Variants in OR2L8 observed in about 807,000 individuals in gnomAD.
OR2L8 encodes the protein olfactory receptor 2L8.
For synonymous variants in OR2L8, 123 were observed against 138.6 expected (o/e 0.89, Z 0.79); for missense variants, 324 against 376.0 (o/e 0.86, Z 1.14).
Position 247,949,537 on chromosome 1 carries a change from T to A in OR2L8, c.680T>A (p.Met227Lys). 1 of 1,614,062 alleles carries A rather than the reference T, an allele frequency of 6.2e-7. No individual in the cohort carries two copies. Among genetic ancestry groups the A allele is most frequent in the Non-Finnish European group, 8.5e-7 (1 of 1,179,950 alleles). The change falls in exon 1 of 1, where the codon ATG (methionine) becomes AAG (lysine). Residue 227 changes from methionine (M) to lysine (K), a missense_variant. Met to Lys is a moderately conservative substitution (Grantham distance 95, BLOSUM62 -1). Coordinates refer to ENST00000623922, the MANE Select transcript of OR2L8 (RefSeq NM_001001963.1). ...CAGGTTCTCTTTGCTGTCTACCACA[T>A]GAAATCTGCAGAAGGGAGGAAGAAA... The part of the protein sequence containing the change: ...YGQVLFAVYH[M>K]KSAEGRKKAY...
chr1:247,949,012 C>T lies in OR2L8; in HGVS notation c.155C>T (p.Thr52Ile), dbSNP rs1660536809. Residue 52 changes from threonine to isoleucine, a missense_variant, in exon 1 of 1, where the codon ACC (threonine) becomes ATC (isoleucine). Transcript: ENST00000623922. ...LSMILLIFLD[T>I]HLHTPMYFLL... The stretch of plus-strand genomic sequence containing the variant: ...ATGATTCTTCTCATCTTCTTGGACA[C>T]CCATCTCCACACACCCATGTATTTC... 3.7e-6 allele frequency: 6 copies of T among 1,613,868 alleles called. No individual in the cohort carries two copies. In the East Asian group the frequency reaches 1.3e-4, roughly 36 times the overall value.
In OR2L8 at chr1:247,949,397, C is replaced by T; in HGVS notation, c.540C>T (p.Val180=). ...CCATCAATCATTTCTTCTGTGATGTCCCAGCAATGGTGACTCTGGCCTGCA... is the reference window on the plus strand; with the variant it reads ...CCATCAATCATTTCTTCTGTGATGTTCCAGCAATGGTGACTCTGGCCTGCA... ...SRAINHFFCD[V]PAMVTLACMD... Residue 180 remains valine (V), a synonymous_variant, in exon 1 of 1, where the codon GTC becomes GTT. Coordinates refer to ENST00000623922, the MANE Select transcript of OR2L8 (RefSeq NM_001001963.1). The T allele has an allele frequency of 2.5e-6, 4 of 1,614,112 alleles. No homozygotes were observed. The Middle Eastern group carries it at 6.6e-4, about 266-fold the overall frequency.
At position 247,949,219 on chromosome 1, in the gene OR2L8, G is replaced by A. The variant is rs148005952; in HGVS notation, c.362G>A (p.Arg121His). Residue 121 changes from arginine to histidine, a missense_variant, in exon 1 of 1, where the codon CGT (arginine) becomes CAT (histidine). Transcript: ENST00000623922. ...ALLLASMAYD[R>H]YIAICFPLHY... ...CTTTTGGCATCTATGGCCTATGATC[G>A]TTACATTGCTATTTGCTTTCCTCTC... is the stretch of plus-strand genomic sequence containing the variant. 9.2e-4 allele frequency: 1,485 copies of A among 1,614,190 alleles called. 1 individual carries two copies. The highest frequency in any genetic ancestry group is 1.1e-3 in the Non-Finnish European group (1,306 of 1,180,036).
Position 247,948,944 on chromosome 1 carries a change from CATT to C in OR2L8, c.88_90del (p.Ile30del). ...GAATTGACCTTTTCTTCTTCATTCT[CATT>C]GTTTTCATTTTCCTGATGGCTCTAA... On this transcript the variant is annotated inframe_deletion, in exon 1 of 1. Transcript: ENST00000623922. The C allele has an allele frequency of 6.2e-7, 1 of 1,613,778 alleles. No individual in the cohort carries two copies. Among genetic ancestry groups the C allele is most frequent in the South Asian group, 1.1e-5 (1 of 91,062 alleles).
rs749940450 is a variant in OR2L8 at position 247,949,679 on chromosome 1, T to G, written c.822T>G (p.Ala274=). ...CTCCAACAGAGGACAAGGTTCTGGC[T>G]GTCTTCTACACCATCCTCACCCCAA... The part of the protein sequence containing the change: ...LRSPTEDKVL[A]VFYTILTPML... Residue 274 remains alanine, a synonymous_variant, in exon 1 of 1, where the codon GCT becomes GCG. Coordinates refer to ENST00000623922, the MANE Select transcript of OR2L8 (RefSeq NM_001001963.1). The G allele has an allele frequency of 5.0e-6, 8 of 1,613,840 alleles. No homozygotes were observed. The highest frequency in any genetic ancestry group is 1.7e-5 in the Admixed American group (1 of 59,992).
Position 247,949,493 on chromosome 1 carries a change from T to C in OR2L8, c.636T>C (p.Gly212=), listed in dbSNP as rs770497170. ...ATIFLVFPFI[G]ISCSYGQVLF... ...TCTTTCTCGTGTTTCCCTTCATTGG[T>C]ATTTCATGTTCCTATGGCCAGGTTC... Residue 212 remains glycine (G), a synonymous_variant, in exon 1 of 1, where the codon GGT becomes GGC. Coordinates refer to ENST00000623922, the MANE Select transcript of OR2L8 (RefSeq NM_001001963.1). The C allele has an allele frequency of 8.7e-6, 14 of 1,613,030 alleles. No homozygotes were observed. In the African/African-American group the frequency reaches 1.2e-4, roughly 14 times the overall value.
rs1433797964 is a variant in OR2L8 at position 247,948,917 on chromosome 1, A to G, written c.60A>G (p.Ser20=). The change falls in exon 1 of 1, where the codon TCA becomes TCG. Residue 20 remains serine (S), a synonymous_variant. Transcript: ENST00000623922. ...TCTTATTGGGGCTGTTTCCACCATC[A>G]AGAATTGACCTTTTCTTCTTCATTC... The part of the protein sequence containing the change: ...DFILLGLFPP[S]RIDLFFFILI... The G allele has an allele frequency of 3.1e-6, 5 of 1,613,634 alleles. No individual in the cohort carries two copies. Among genetic ancestry groups the G allele is most frequent in the East Asian group, 2.2e-5 (1 of 44,890 alleles).
chr1:247,949,074 A>G lies in OR2L8; in HGVS notation c.217A>G (p.Ile73Val), dbSNP rs374330494. 6.8e-6 allele frequency: 11 copies of G among 1,613,772 alleles called. No homozygotes were observed. The highest frequency in any genetic ancestry group is 6.8e-6 in the Non-Finnish European group (8 of 1,179,854). ...SQLSLIDLNY[I>V]STIVPKMASD... The stretch of plus-strand genomic sequence containing the variant: ...GCTCTCCCTCATTGACCTAAATTAC[A>G]TCTCCACCATTGTTCCTAAGATGGC... The change falls in exon 1 of 1, where the codon ATC (isoleucine) becomes GTC (valine). Residue 73 changes from isoleucine to valine, a missense_variant. Physicochemically the swap from Ile to Val is conservative, Grantham distance 29. Coordinates refer to ENST00000623922, the MANE Select transcript of OR2L8 (RefSeq NM_001001963.1).
rs1558377855 is a variant in OR2L8 at position 247,949,393 on chromosome 1, A to G, written c.536A>G (p.Asp179Gly). The change falls in exon 1 of 1, where the codon GAT (aspartate) becomes GGT (glycine). Residue 179 changes from aspartate to glycine, a missense_variant. Coordinates refer to ENST00000623922, the MANE Select transcript of OR2L8 (RefSeq NM_001001963.1). The part of the protein sequence containing the change: ...RSRAINHFFC[D>G]VPAMVTLACM... ...AGGGCCATCAATCATTTCTTCTGTG[A>G]TGTCCCAGCAATGGTGACTCTGGCC... The G allele has an allele frequency of 6.2e-7, 1 of 1,614,144 alleles. No individual in the cohort carries two copies. The highest frequency in any genetic ancestry group is 1.1e-5 in the South Asian group (1 of 91,086).
In OR2L8 at chr1:247,948,893, C is replaced by T; in HGVS notation, c.36C>T (p.Ile12=). 6.2e-7 allele frequency: 1 copy of T among 1,611,888 alleles called. No individual in the cohort carries two copies. Among genetic ancestry groups the T allele is most frequent in the Admixed American group, 1.7e-5 (1 of 59,842 alleles). The change falls in exon 1 of 1, where the codon ATC becomes ATT. Residue 12 remains isoleucine, a synonymous_variant. Coordinates refer to ENST00000623922, the MANE Select transcript of OR2L8 (RefSeq NM_001001963.1). ...ENYNQTSTDF[I]LLGLFPPSRI... ...ACAATCAAACATCAACTGATTTCATCTTATTGGGGCTGTTTCCACCATCAA... is the reference window on the plus strand; with the variant it reads ...ACAATCAAACATCAACTGATTTCATTTTATTGGGGCTGTTTCCACCATCAA...
Position 247,949,557 on chromosome 1 carries a change from A to G in OR2L8, c.700A>G (p.Lys234Glu), listed in dbSNP as rs1412543787. The G allele has an allele frequency of 1.1e-5, 18 of 1,613,886 alleles. No individual in the cohort carries two copies. The highest frequency in any genetic ancestry group is 1.6e-4 in the Middle Eastern group (1 of 6,080). ...CCACATGAAATCTGCAGAAGGGAGG[A>G]AGAAAGCCTATTTGACCTGCAGCAC... ...VYHMKSAEGR[K>E]KAYLTCSTHL... Residue 234 changes from lysine (K) to glutamate (E), a missense_variant, in exon 1 of 1, where the codon AAG (lysine) becomes GAG (glutamate). Physicochemically the swap from Lys to Glu is moderately conservative, Grantham distance 56. Coordinates refer to ENST00000623922, the MANE Select transcript of OR2L8 (RefSeq NM_001001963.1).
Position 247,949,323 on chromosome 1 carries a change from T to G in OR2L8, c.466T>G (p.Cys156Gly). The G allele has an allele frequency of 6.2e-7, 1 of 1,614,230 alleles. No individual in the cohort carries two copies. Among genetic ancestry groups the G allele is most frequent in the Non-Finnish European group, 8.5e-7 (1 of 1,180,026 alleles). Residue 156 changes from cysteine to glycine, a missense_variant, in exon 1 of 1, where the codon TGT becomes GGT. Transcript: ENST00000623922. ...TTGGATCATAGGCTCGATCAATGCT[T>G]GTGCTCACACTGTATATGTACTCCA... ...GSWIIGSINA[C>G]AHTVYVLHIP...
rs763593997 is a variant in OR2L8, at chr1:247,949,118, A to G, written c.261A>G (p.Gly87=). The change falls in exon 1 of 1, where the codon GGA becomes GGG. Residue 87 remains glycine, a synonymous_variant. Coordinates refer to ENST00000623922, the MANE Select transcript of OR2L8 (RefSeq NM_001001963.1). The stretch of plus-strand genomic sequence containing the variant: ...AGATGGCATCTGATTTTCTGCATGG[A>G]AACAAGTCTATCTCCTTCACTGGGT... ...VPKMASDFLH[G]NKSISFTGCG... 6.2e-7 allele frequency: 1 copy of G among 1,612,006 alleles called. No individual in the cohort carries two copies. Among genetic ancestry groups the G allele is most frequent in the African/African-American group, 1.3e-5 (1 of 74,278 alleles).
In OR2L8 at chr1:247,949,159, TC is replaced by T; in HGVS notation, c.303del (p.Phe102SerfsTer5). Reference protein sequence around the residue: ...ISFTGCGIQSFFFLALGGAEA... With the variant: ...ISFTGCGIQSXFFLALGGAEA... ...TTCACTGGGTGTGGGATTCAGAGTT[TC>T]TTCTTCTTGGCATTAGGAGGTGCAG... On this transcript the variant is annotated frameshift_variant, in exon 1 of 1. Transcript: ENST00000623922. LOFTEE classifies it low-confidence loss of function (END_TRUNC). The T allele has an allele frequency of 2.5e-6, 4 of 1,614,138 alleles. No individual in the cohort carries two copies. The highest frequency in any genetic ancestry group is 3.4e-6 in the Non-Finnish European group (4 of 1,180,004).
At position 247,949,512 on chromosome 1, in the gene OR2L8, C is replaced by T. The variant is rs776587469; in HGVS notation, c.655C>T (p.Gln219Ter). The T allele has an allele frequency of 2.5e-6, 4 of 1,614,000 alleles. No individual in the cohort carries two copies. In the South Asian group the frequency reaches 3.3e-5, roughly 13 times the overall value. Residue 219 changes from glutamine (Q) to a stop codon, truncating the protein, a stop_gained, in exon 1 of 1, where the codon CAG becomes TAG. Transcript: ENST00000623922. LOFTEE classifies it low-confidence loss of function (END_TRUNC). Reference protein sequence around the residue: ...PFIGISCSYGQVLFAVYHMKS... With the variant: ...PFIGISCSYG ...CATTGGTATTTCATGTTCCTATGGCCAGGTTCTCTTTGCTGTCTACCACAT... is the reference window on the plus strand; with the variant it reads ...CATTGGTATTTCATGTTCCTATGGCTAGGTTCTCTTTGCTGTCTACCACAT...
In OR2L8 at chr1:247,949,746, A is replaced by G; in HGVS notation, c.889A>G (p.Met297Val). The change falls in exon 1 of 1, where the codon ATG becomes GTG. Residue 297 changes from methionine to valine, a missense_variant. Coordinates refer to ENST00000623922, the MANE Select transcript of OR2L8 (RefSeq NM_001001963.1). ...CTATAGCCTGAGGAACAAGGAGGTGATGGGGGCCCTGACACGAGTGAGTCA... is the reference window on the plus strand; with the variant it reads ...CTATAGCCTGAGGAACAAGGAGGTGGTGGGGGCCCTGACACGAGTGAGTCA... ...IIYSLRNKEV[M>V]GALTRVSQRI... 1 of 1,613,372 alleles carries G rather than the reference A, an allele frequency of 6.2e-7. No homozygotes were observed. Among genetic ancestry groups the G allele is most frequent in the Non-Finnish European group, 8.5e-7 (1 of 1,179,620 alleles).
Position 247,948,871 on chromosome 1 carries a change from A to G in OR2L8, c.14A>G (p.Asn5Ser), listed in dbSNP as rs757949835. Residue 5 changes from asparagine to serine, a missense_variant, in exon 1 of 1, where the codon AAT (asparagine) becomes AGT (serine). Transcript: ENST00000623922. The part of the protein sequence containing the change: MENY[N>S]QTSTDFILLG... The stretch of plus-strand genomic sequence containing the variant: ...TAGGAATGCTCCATGGAAAATTACA[A>G]TCAAACATCAACTGATTTCATCTTA... 2 of 1,605,380 alleles carry G rather than the reference A, an allele frequency of 1.2e-6. No homozygotes were observed. Among genetic ancestry groups the G allele is most frequent in the Non-Finnish European group, 8.5e-7 (1 of 1,175,520 alleles).
chr1:247,949,754 C>T lies in OR2L8; in HGVS notation c.897C>T (p.Ala299=), dbSNP rs1187056667. Residue 299 remains alanine (A), a synonymous_variant, in exon 1 of 1, where the codon GCC becomes GCT. Coordinates refer to ENST00000623922, the MANE Select transcript of OR2L8 (RefSeq NM_001001963.1). The stretch of plus-strand genomic sequence containing the variant: ...TGAGGAACAAGGAGGTGATGGGGGC[C>T]CTGACACGAGTGAGTCAGAGAATCT... ...YSLRNKEVMG[A]LTRVSQRICS... is the part of the protein sequence containing the mutation. 6.2e-7 allele frequency: 1 copy of T among 1,612,860 alleles called. No homozygotes were observed. The highest frequency in any genetic ancestry group is 1.7e-5 in the Admixed American group (1 of 59,870).
chr1:247,949,761 C>G lies in OR2L8; in HGVS notation c.904C>G (p.Arg302Gly), dbSNP rs373292019. 16 of 1,612,240 alleles carry G rather than the reference C, an allele frequency of 9.9e-6. No individual in the cohort carries two copies. The highest frequency in any genetic ancestry group is 3.3e-5 in the Admixed American group (2 of 59,770). Reference protein sequence around the residue: ...RNKEVMGALTRVSQRICSVKM With the variant: ...RNKEVMGALTGVSQRICSVKM ...CAAGGAGGTGATGGGGGCCCTGACACGAGTGAGTCAGAGAATCTGCTCTGT... is the reference window on the plus strand; with the variant it reads ...CAAGGAGGTGATGGGGGCCCTGACAGGAGTGAGTCAGAGAATCTGCTCTGT... Residue 302 changes from arginine (R) to glycine (G), a missense_variant, in exon 1 of 1, where the codon CGA becomes GGA. Coordinates refer to ENST00000623922, the MANE Select transcript of OR2L8 (RefSeq NM_001001963.1).
Sources: allele counts gnomAD v4.1 joint callset, GRCh38; gene constraint gnomAD v4.1.1; transcripts MANE v1.5; gene names NCBI Gene and HGNC (gene_info 2026-07-23, HGNC 2026-07-21).